Variants in WWOX observed in about 807,000 individuals in gnomAD.
WWOX encodes the protein WW domain containing oxidoreductase.
A neutral mutation model predicts 46.2 loss-of-function variants in WWOX; 69 were observed. The observed-to-expected ratio is 1.49, with a 90% CI of 1.23 to 1.82. The LOEUF is 1.82. WWOX is among the 40% of genes most tolerant of loss of function. The probability of loss-of-function intolerance (pLI) is 0.00; values close to 1 mark genes in which losing one functional copy is unlikely to be tolerated. For synonymous variants in WWOX, 359 were observed against 202.6 expected (o/e 1.77, Z -6.56); for missense variants, 919 against 542.6 (o/e 1.69, Z -6.89).
At chr16:78,430,204 C>T (rs962057484) in intron 7 of WWOX, among the ~76,000 whole-genome samples, 1 of 152,080 alleles carries the variant, frequency 6.6e-6, no homozygotes, top group Non-Finnish European at 1.5e-5. Context: ...CATCAGATTT[C>T]GTGAGACTTA....
intron 4 of WWOX, among the ~76,000 whole-genome samples, chr16:78,117,330 C>G (rs1053304333): frequency 1.3e-5 from 2 of 152,050 alleles, no homozygotes; most frequent in African/African-American, 4.8e-5. Flanking sequence ...ACAGCTCTTT[C>G]CCCAGCTGTC....
intron 6 of WWOX, among the ~76,000 whole-genome samples, chr16:78,416,610 T>C (rs563082802): frequency 4.5e-4 from 68 of 152,330 alleles, no homozygotes; most frequent in African/African-American, 1.6e-3. Context: ...TTGCATTTTC[T>C]TGAGAGAATG....
rs116325092 is a variant in WWOX at position 78,618,697 on chromosome 16, A to G, written c.1056+185945A>G. Among the ~76,000 whole-genome samples the G allele has an allele frequency of 9.4e-3, 1,426 of 152,176 alleles. 23 individuals are homozygous for G. The highest frequency in any genetic ancestry group is 0.033 in the African/African-American group (1,373 of 41,542). ...ATGTTTGATCCGGGGGAATAAAGCTAGAGTTGCTTTCTTCCTTGTAATATG... is the reference window on the plus strand; with the variant it reads ...ATGTTTGATCCGGGGGAATAAAGCTGGAGTTGCTTTCTTCCTTGTAATATG... On this transcript the variant is annotated intron_variant, in intron 8 of 8. Coordinates refer to ENST00000566780, the MANE Select transcript of WWOX (RefSeq NM_016373.4).
At chr16:78,312,899 C>T (rs1294959517) in intron 5 of WWOX, among the ~76,000 whole-genome samples, 3 of 152,214 alleles carry the variant, frequency 2.0e-5, no homozygotes, top group African/African-American at 7.2e-5. Flanking sequence ...CTGCCTCTGT[C>T]TATGGGCATG....
chr16:78,913,747 C>T (rs546544831), intron 8 of WWOX, among the ~76,000 whole-genome samples: 15 of 151,888 alleles, frequency 9.9e-5, no homozygotes, highest in African/African-American at 3.1e-4. Flanking sequence ...CTGCAGCCTC[C>T]AACTCCTAGG....
chr16:79,110,603 C>A (rs1039117631), intron 8 of WWOX: 6 of 152,256 alleles, frequency 3.9e-5, no homozygotes, highest in African/African-American at 1.4e-4. Context: ...CCACCTCCAA[C>A]ACACACTCCG....
intron 8 of WWOX, among the ~76,000 whole-genome samples, chr16:78,885,850 A>G (rs1312711785): frequency 2.0e-5 from 3 of 152,046 alleles, no homozygotes; most frequent in Non-Finnish European, 4.4e-5. Context: ...TGCTGTATAA[A>G]TATGCAGTGT....
At chr16:78,979,233 A>G (rs1416283537) in intron 8 of WWOX, among the ~76,000 whole-genome samples, 1 of 152,144 alleles carries the variant, frequency 6.6e-6, no homozygotes, top group African/African-American at 2.4e-5. Flanking sequence ...TGGAAAACAT[A>G]CAGAAGTAAA....
At chr16:78,202,812 GT>G (rs34111953) in intron 5 of WWOX, among the ~76,000 whole-genome samples, 6,747 of 139,978 alleles carry the variant, frequency 0.048, 199 homozygotes, top group East Asian at 0.12. Flanking sequence ...TGCCTGGTGG[GT>G]TTTTTTTTTT....
chr16:78,315,508 G>C (rs867331912), intron 5 of WWOX, among the ~76,000 whole-genome samples: 6 of 152,006 alleles, frequency 3.9e-5, no homozygotes, highest in African/African-American at 1.4e-4. Context: ...AAATTGGCTG[G>C]GCATGGTGGG....
intron 8 of WWOX, among the ~76,000 whole-genome samples, chr16:78,466,775 G>C (rs2084088041): frequency 6.6e-6 from 1 of 152,130 alleles, no homozygotes; most frequent in African/African-American, 2.4e-5. Flanking sequence ...TTGAACCCGA[G>C]AGGCAGAGGT....
At chr16:78,521,943 C>T (rs1438574629) in intron 8 of WWOX, among the ~76,000 whole-genome samples, 1 of 152,012 alleles carries the variant, frequency 6.6e-6, no homozygotes, top group Non-Finnish European at 1.5e-5. Flanking sequence ...GAGATGGGGA[C>T]AGTGAGTATT....
chr16:78,913,822 A>T (rs960615049), intron 8 of WWOX, among the ~76,000 whole-genome samples: 2 of 151,864 alleles, frequency 1.3e-5, no homozygotes, highest in African/African-American at 4.8e-5. Context: ...CACAATGCCC[A>T]GCTAACTTTT....
chr16:78,700,048 G>A (rs981468237), intron 8 of WWOX, among the ~76,000 whole-genome samples: 1 of 152,040 alleles, frequency 6.6e-6, no homozygotes, highest in Admixed American at 6.6e-5. Flanking sequence ...AAATGTCCTG[G>A]CTCTTGATGC....
At chr16:78,326,135 A>G (rs1391101885) in intron 5 of WWOX, among the ~76,000 whole-genome samples, 1 of 152,122 alleles carries the variant, frequency 6.6e-6, no homozygotes, top group Non-Finnish European at 1.5e-5. Flanking sequence ...GAAACTTTGT[A>G]CTCAACCATT....
chr16:78,587,394 A>C (rs1029076532), intron 8 of WWOX, among the ~76,000 whole-genome samples: 1 of 151,924 alleles, frequency 6.6e-6, no homozygotes, highest in African/African-American at 2.4e-5. Flanking sequence ...AGGGAGCATA[A>C]CTCTGATAAG....
At position 78,104,780 on chromosome 16, in the gene WWOX, TA is replaced by T. The variant is rs200389262; in HGVS notation, c.108-3635del. On this transcript the variant is annotated intron_variant, in intron 1 of 8. Transcript: ENST00000566780. ...TCTTTTAATTAATTTTTATATTTAT[TA>T]AAAAAAAGTCTTCTATTGAAAGGTA... Among the ~76,000 whole-genome samples the T allele has an allele frequency of 5.3e-5, 8 of 152,166 alleles. No individual in the cohort carries two copies. The South Asian group carries it at 8.3e-4, about 16-fold the overall frequency.
intron 8 of WWOX, among the ~76,000 whole-genome samples, chr16:78,476,830 A>G (rs1420094676): frequency 6.6e-6 from 1 of 152,054 alleles, no homozygotes; most frequent in Non-Finnish European, 1.5e-5. Flanking sequence ...TAATTTAGAA[A>G]AGGTTGTTTT....
chr16:79,130,798 A>G (rs1157573040), intron 8 of WWOX, among the ~76,000 whole-genome samples: 1 of 152,182 alleles, frequency 6.6e-6, no homozygotes, highest in Non-Finnish European at 1.5e-5. Flanking sequence ...GATCAAGTAC[A>G]TATGCTCCCC....
Sources: allele counts gnomAD v4.1 joint callset (sites outside exome capture counted in the v4.1 genomes callset), GRCh38; gene constraint gnomAD v4.1.1; transcripts MANE v1.5; gene names NCBI Gene and HGNC (gene_info 2026-07-23, HGNC 2026-07-21).